The following MAGI1 variants were observed in gnomAD, a reference collection of about 807,000 sequenced individuals.
The protein encoded by MAGI1 is membrane-associated guanylate kinase, WW and PDZ domain-containing protein 1.
A neutral mutation model predicts 139.9 loss-of-function variants in MAGI1; 58 were observed. That is an observed-to-expected ratio of 0.41 (90% CI 0.34 to 0.52). The LOEUF (loss-of-function observed/expected upper bound fraction) is 0.52. MAGI1 is among the 20% of genes least tolerant of loss of function. The pLI is 0.12. For missense variants in MAGI1, 1,874 were observed against 1,901.6 expected, an observed-to-expected ratio of 0.99 and a Z score of 0.27; for synonymous variants, 812 against 737.9, an observed-to-expected ratio of 1.10 and a Z score of -1.63.
chr3:65,599,620 C>T (rs1233051549), intron 2 of MAGI1, among the ~76,000 whole-genome samples: 6 of 152,180 alleles, frequency 3.9e-5, no homozygotes, highest in Non-Finnish European at 8.8e-5. Context: ...ATCACACATA[C>T]AAAGTGCTTG....
intron 13 of MAGI1, among the ~76,000 whole-genome samples, chr3:65,393,922 C>A (rs1211636165): frequency 6.6e-6 from 1 of 152,174 alleles, no homozygotes; most frequent in African/African-American, 2.4e-5. Context: ...ACCTTTTCCA[C>A]TTGATTCTTC....
In MAGI1 at chr3:65,373,630, G is replaced by A. The variant is rs182190223; in HGVS notation, c.3196+2115C>T. Reference sequence around the variant, plus strand: ...CAATGAAAGGGGGGATGTCTGGACCGCATTTGGCTCTCTCAATCACTTCTC... The same window carrying A: ...CAATGAAAGGGGGGATGTCTGGACCACATTTGGCTCTCTCAATCACTTCTC... On this transcript the variant is annotated intron_variant, in intron 18 of 22. Coordinates refer to ENST00000402939, the MANE Select transcript of MAGI1 (RefSeq NM_001033057.2). 5.9e-5 allele frequency among the ~76,000 whole-genome samples: 9 copies of A among 152,314 alleles called. No individual in the cohort carries two copies. The South Asian group carries it at 6.2e-4, about 11-fold the overall frequency.
intron 2 of MAGI1, among the ~76,000 whole-genome samples, chr3:65,508,219 C>T (rs1451574081): frequency 2.0e-5 from 3 of 152,072 alleles, no homozygotes; most frequent in East Asian, 1.9e-4. Context: ...CTGGCTAACA[C>T]GGTGAAACCC....
chr3:66,018,320 C>T (rs1046694976), intron 1 of MAGI1, among the ~76,000 whole-genome samples: 2 of 152,194 alleles, frequency 1.3e-5, no homozygotes, highest in African/African-American at 4.8e-5. Flanking sequence ...GCCTGGTTAA[C>T]AGCATTTGGC....
chr3:65,835,785 T>C (rs568681914), intron 1 of MAGI1, among the ~76,000 whole-genome samples: 5 of 152,344 alleles, frequency 3.3e-5, no homozygotes, highest in Admixed American at 2.0e-4. Context: ...TTTAAGAATT[T>C]ATATTTACAA....
intron 2 of MAGI1, among the ~76,000 whole-genome samples, chr3:65,580,160 G>T (rs1324204309): frequency 1.3e-5 from 2 of 152,074 alleles, no homozygotes. Flanking sequence ...AATTTAAAAT[G>T]AAGCAAACTC....
chr3:65,597,219 T>C (rs1450040714), intron 2 of MAGI1, among the ~76,000 whole-genome samples: 1 of 149,926 alleles, frequency 6.7e-6, no homozygotes, highest in Non-Finnish European at 1.5e-5. Context: ...TTTCATCTCC[T>C]CCTTTACCAT....
intron 1 of MAGI1, among the ~76,000 whole-genome samples, chr3:65,630,835 C>T (rs954413297): frequency 6.6e-6 from 1 of 152,150 alleles, no homozygotes; most frequent in African/African-American, 2.4e-5. Context: ...AACCAAAAGC[C>T]ACCTGTACCC....
intron 1 of MAGI1, among the ~76,000 whole-genome samples, chr3:65,650,488 T>C (rs946432525): frequency 6.6e-6 from 1 of 152,198 alleles, no homozygotes; most frequent in African/African-American, 2.4e-5. Context: ...TGCAACAGCC[T>C]AGAGGAATCT....
At chr3:65,694,024 A>G (rs1322130442) in intron 1 of MAGI1, among the ~76,000 whole-genome samples, 2 of 152,248 alleles carry the variant, frequency 1.3e-5, no homozygotes, top group African/African-American at 4.8e-5. Flanking sequence ...CCCAGCCCAG[A>G]ACACTTTCTT....
chr3:65,556,114 AGACCTGAACTAGTACATCCCAATG>A (rs1465668914), intron 2 of MAGI1, among the ~76,000 whole-genome samples: 11 of 152,212 alleles, frequency 7.2e-5, no homozygotes, highest in Non-Finnish European at 1.5e-4. Flanking sequence ...AGAGAAATAG[AGACCTGAACTAGTACATCCCAATG>A]GACCTTAACA....
intron 12 of MAGI1, among the ~76,000 whole-genome samples, chr3:65,425,929 T>C (rs1947011881): frequency 6.6e-6 from 1 of 152,172 alleles, no homozygotes; most frequent in East Asian, 1.9e-4. Flanking sequence ...ACAAACTAGT[T>C]TGATTTTCCA....
intron 1 of MAGI1, among the ~76,000 whole-genome samples, chr3:65,708,599 T>C (rs1054733350): frequency 6.7e-6 from 1 of 149,860 alleles, no homozygotes; most frequent in African/African-American, 2.5e-5. Context: ...TCATTGGTGG[T>C]GGGGAGGAAA....
intron 1 of MAGI1, among the ~76,000 whole-genome samples, chr3:65,963,313 T>TAAAAAAAAAAGA (rs2064552572): frequency 9.6e-6 from 1 of 104,220 alleles, no homozygotes; most frequent in Non-Finnish European, 1.8e-5. Context: ...CTCTGTCTCT[T>TAAAAAAAAAAGA]AAAAAAAAAA....
chr3:65,535,526 T>A (rs949185714), intron 2 of MAGI1, among the ~76,000 whole-genome samples: 1 of 152,312 alleles, frequency 6.6e-6, no homozygotes, highest in African/African-American at 2.4e-5. Flanking sequence ...AAGGACTCAG[T>A]GAATTTCTGT....
chr3:65,679,586 C>A (rs2087433845), intron 1 of MAGI1, among the ~76,000 whole-genome samples: 1 of 151,916 alleles, frequency 6.6e-6, no homozygotes, highest in Non-Finnish European at 1.5e-5. Context: ...TAAAAAAGCC[C>A]ATGGAAAGAA....
intron 1 of MAGI1, among the ~76,000 whole-genome samples, chr3:65,662,753 C>T (rs940350678): frequency 1.3e-5 from 2 of 152,054 alleles, no homozygotes; most frequent in Non-Finnish European, 1.5e-5. Flanking sequence ...TTCCAGTATA[C>T]GATATTATTA....
At chr3:65,499,617 C>T (rs573582975) in intron 2 of MAGI1, among the ~76,000 whole-genome samples, 6 of 150,854 alleles carry the variant, frequency 4.0e-5, no homozygotes, top group East Asian at 1.9e-4. Flanking sequence ...ACTGAGACTC[C>T]GTCTCAAAAA....
rs557476490 is a variant in MAGI1 at position 65,488,764 on chromosome 3, C to G, written c.550+4748G>C. ...TGGCTCACTGCAGCCTCGAACTTCC[C>G]AGGATCAGGGGATTCTCCCACCTCA... On this transcript the variant is annotated intron_variant, in intron 3 of 22. Transcript: ENST00000402939. 3.3e-5 allele frequency among the ~76,000 whole-genome samples: 5 copies of G among 151,764 alleles called. No individual in the cohort carries two copies. The East Asian group carries it at 9.7e-4, about 30-fold the overall frequency.
Sources: gnomAD v4.1 joint callset for allele counts (sites outside exome capture counted in the v4.1 genomes callset) on GRCh38, gnomAD v4.1.1 for gene constraint, MANE v1.5 for transcripts, NCBI Gene and HGNC (gene_info 2026-07-23, HGNC 2026-07-21) for gene names.